Variants in EPB41L4A observed in about 807,000 individuals in gnomAD.
EPB41L4A encodes the protein erythrocyte membrane protein band 4.1 like 4A.
A neutral mutation model predicts 108.6 loss-of-function variants in EPB41L4A; 100 were observed. The ratio of observed to expected loss-of-function variants is 0.92; its 90% CI spans 0.78 to 1.09. EPB41L4A has a LOEUF of 1.09. Among genes scored for constraint, EPB41L4A ranks in the 50% least tolerant of loss-of-function variants. The probability of loss-of-function intolerance (pLI) is 0.00; values close to 1 mark genes in which losing one functional copy is unlikely to be tolerated. For synonymous variants in EPB41L4A, 319 were observed against 289.0 expected, an observed-to-expected ratio of 1.10 and a Z score of -1.05; for missense variants, 1,030 against 842.7, an observed-to-expected ratio of 1.22 and a Z score of -2.75.
At chr5:112,287,184 T>C (rs2150524560) in intron 2 of EPB41L4A, among the ~76,000 whole-genome samples, 1 of 152,310 alleles carries the variant, frequency 6.6e-6, no homozygotes, top group South Asian at 2.1e-4. Context: ...TCCCTGTTAA[T>C]CCAACTGCCT....
chr5:112,374,037 G>C (rs560632606), intron 1 of EPB41L4A, among the ~76,000 whole-genome samples: 132 of 152,288 alleles, frequency 8.7e-4, no homozygotes, highest in African/African-American at 3.0e-3. Context: ...ATGTAACCCT[G>C]CAGGGTAGGA....
At chr5:112,361,440 T>A (rs1758754452) in intron 1 of EPB41L4A, among the ~76,000 whole-genome samples, 2 of 151,856 alleles carry the variant, frequency 1.3e-5, no homozygotes, top group African/African-American at 4.8e-5. Flanking sequence ...CATGTTTATC[T>A]GCTGACCTTC....
chr5:112,349,201 G>A (rs1038780563), intron 1 of EPB41L4A, among the ~76,000 whole-genome samples: 16 of 152,162 alleles, frequency 1.1e-4, no homozygotes, highest in African/African-American at 3.6e-4. Flanking sequence ...CTGTCAAAAT[G>A]GGAAAAGGGG....
chr5:112,267,735 A>G (rs1437317480), intron 4 of EPB41L4A, among the ~76,000 whole-genome samples: 9 of 152,156 alleles, frequency 5.9e-5, no homozygotes. Flanking sequence ...CCCAAGAGGT[A>G]AGCAGGATTC....
intron 9 of EPB41L4A, among the ~76,000 whole-genome samples, chr5:112,243,505 T>C (rs1749972900): frequency 1.3e-5 from 2 of 152,152 alleles, no homozygotes; most frequent in African/African-American, 2.4e-5. Context: ...GAAGCTTTAA[T>C]GCAGGCATTG....
chr5:112,374,620 C>T (rs540905339), intron 1 of EPB41L4A, among the ~76,000 whole-genome samples: 11 of 152,304 alleles, frequency 7.2e-5, no homozygotes, highest in African/African-American at 2.2e-4. Flanking sequence ...ACTCTGTGAA[C>T]GCACACTCCT....
chr5:112,264,530 G>GA (rs34481169), intron 6 of EPB41L4A: 12,028 of 142,938 alleles, frequency 0.084, 506 homozygotes, highest in Middle Eastern at 0.097. Context: ...ACTGGTGACT[G>GA]AAAAAAAAAA....
At chr5:112,159,671 G>C (rs1475835614), downstream of EPB41L4A, among the ~76,000 whole-genome samples, 1 of 152,120 alleles carries the variant, frequency 6.6e-6, no homozygotes, top group East Asian at 1.9e-4. Flanking sequence ...TCACACATCT[G>C]CTCGGAGTTC....
intron 1 of EPB41L4A, among the ~76,000 whole-genome samples, chr5:112,311,439 T>C (rs757454671): frequency 6.6e-6 from 1 of 152,218 alleles, no homozygotes; most frequent in Non-Finnish European, 1.5e-5. Context: ...ACTGAAAAGA[T>C]ACTGAGTATC....
At chr5:112,259,718 C>T (rs1751359098) in intron 8 of EPB41L4A, among the ~76,000 whole-genome samples, 173 bp downstream of exon 8, 1 of 152,206 alleles carries the variant, frequency 6.6e-6, no homozygotes, top group African/African-American at 2.4e-5. Context: ...CTGAAATTTA[C>T]AGAGAAAACA....
intron 1 of EPB41L4A, among the ~76,000 whole-genome samples, chr5:112,339,503 TATATATAG>T (rs1201466369): frequency 6.7e-5 from 3 of 44,554 alleles, no homozygotes; most frequent in African/African-American, 2.7e-4. Flanking sequence ...TATCTATATA[TATATATAG>T]ATATATAGAT....
At chr5:112,339,489 TATA>T (rs1757139055) in intron 1 of EPB41L4A, among the ~76,000 whole-genome samples, 1 of 58,930 alleles carries the variant, frequency 1.7e-5, no homozygotes, top group African/African-American at 4.0e-5. Context: ...TATATATATA[TATA>T]TATCTATATA....
chr5:112,314,536 A>AAAAAAAAAAAAT, intron 1 of EPB41L4A, among the ~76,000 whole-genome samples: 1 of 113,648 alleles, frequency 8.8e-6, no homozygotes, highest in East Asian at 2.5e-4. Context: ...AAAAAAAAAA[A>AAAAAAAAAAAAT]AAGAAAAGAA....
intron 2 of EPB41L4A, among the ~76,000 whole-genome samples, chr5:112,289,280 T>C (rs1037205381): frequency 2.6e-5 from 4 of 152,078 alleles, no homozygotes; most frequent in African/African-American, 7.2e-5. Flanking sequence ...ATCTTATAAG[T>C]AGGGGAGCAA....
At chr5:112,330,164 A>G (rs976842985) in intron 1 of EPB41L4A, among the ~76,000 whole-genome samples, 12 of 151,912 alleles carry the variant, frequency 7.9e-5, no homozygotes, top group Non-Finnish European at 1.0e-4. Flanking sequence ...TTCCCCCACA[A>G]TGGCTTAGGT....
chr5:112,367,750 T>C (rs1268040109), intron 1 of EPB41L4A, among the ~76,000 whole-genome samples: 2 of 152,160 alleles, frequency 1.3e-5, no homozygotes, highest in East Asian at 1.9e-4. Context: ...AATGAAAATA[T>C]GAAAGGTTGA....
At chr5:112,302,854 C>A (rs1754454117) in intron 2 of EPB41L4A, among the ~76,000 whole-genome samples, 1 of 152,140 alleles carries the variant, frequency 6.6e-6, no homozygotes, top group African/African-American at 2.4e-5. Flanking sequence ...GCTATGGGGC[C>A]CCCTATAGAT....
chr5:112,174,052 A>G (rs1760740066), intron 18 of EPB41L4A, among the ~76,000 whole-genome samples: 1 of 152,196 alleles, frequency 6.6e-6, no homozygotes, highest in African/African-American at 2.4e-5. Context: ...TAGCACCATA[A>G]AAGTCCTATT....
At chr5:112,373,487 A>G (rs1437483503) in intron 1 of EPB41L4A, among the ~76,000 whole-genome samples, 3 of 152,228 alleles carry the variant, frequency 2.0e-5, no homozygotes, top group Non-Finnish European at 4.4e-5. Flanking sequence ...GCAACCACCT[A>G]TATCTTATTT....
Sources: allele counts gnomAD v4.1 joint callset (sites outside exome capture counted in the v4.1 genomes callset), GRCh38; gene constraint gnomAD v4.1.1; transcripts MANE v1.5; gene names NCBI Gene and HGNC (gene_info 2026-07-23, HGNC 2026-07-21).